Variants in FGF12 observed in about 807,000 individuals in gnomAD.
FGF12 encodes the protein fibroblast growth factor 12, also known as fibroblast growth factor 12B.
In FGF12, 14 loss-of-function variants were observed where a neutral mutation model predicts 23.6. The observed-to-expected ratio is 0.59, with a 90% CI of 0.39 to 0.93. The LOEUF is 0.93. Ranked by LOEUF, FGF12 falls within the 40% of genes least tolerant of loss-of-function variation. The pLI is 0.00. For missense variants in FGF12, 175 were observed against 217.8 expected (o/e 0.80, Z 1.24); for synonymous variants, 62 against 77.3 (o/e 0.80, Z 1.04).
chr3:192,612,732 T>C (rs1440624277), intron 2 of FGF12, among the ~76,000 whole-genome samples: 1 of 152,008 alleles, frequency 6.6e-6, no homozygotes, highest in East Asian at 1.9e-4. Context: ...CCAACTCTTC[T>C]AAGCTGAACA....
intron 2 of FGF12, among the ~76,000 whole-genome samples, chr3:192,606,425 T>C (rs1714340028): frequency 6.6e-6 from 1 of 152,130 alleles, no homozygotes; most frequent in African/African-American, 2.4e-5. Context: ...TTGTGTATTA[T>C]GTTCAGTACT....
At chr3:192,278,144 A>G (rs773793789) in intron 4 of FGF12, among the ~76,000 whole-genome samples, 4 of 152,206 alleles carry the variant, frequency 2.6e-5, no homozygotes, top group African/African-American at 7.2e-5. Context: ...CTATGTTAAC[A>G]TATATTGATG....
intron 4 of FGF12, among the ~76,000 whole-genome samples, chr3:192,182,760 G>A (rs947731078): frequency 2.0e-5 from 3 of 152,096 alleles, no homozygotes; most frequent in Admixed American, 2.0e-4. Context: ...CATCCAGGGG[G>A]CCCTGAAATT....
intron 3 of FGF12, among the ~76,000 whole-genome samples, chr3:192,347,339 C>T (rs1282416087): frequency 1.3e-5 from 2 of 152,088 alleles, no homozygotes; most frequent in African/African-American, 2.4e-5. Flanking sequence ...CAGGCTGTAT[C>T]CAAGAATTAT....
intron 2 of FGF12, among the ~76,000 whole-genome samples, chr3:192,645,400 A>G (rs1488946526): frequency 6.6e-6 from 1 of 152,204 alleles, no homozygotes; most frequent in Non-Finnish European, 1.5e-5. Flanking sequence ...GACCAGTTCC[A>G]TATTAATAGC....
At chr3:192,286,198 C>T (rs575439387) in intron 4 of FGF12, among the ~76,000 whole-genome samples, 7 of 152,008 alleles carry the variant, frequency 4.6e-5, no homozygotes, top group African/African-American at 1.7e-4. Context: ...TGTATATCAT[C>T]GGATTTCTGG....
chr3:192,296,186 G>A (rs548149432), intron 4 of FGF12, among the ~76,000 whole-genome samples: 11 of 146,970 alleles, frequency 7.5e-5, no homozygotes, highest in African/African-American at 2.7e-4. Flanking sequence ...GATTACAGGC[G>A]TAAGCCACCA....
intron 4 of FGF12, among the ~76,000 whole-genome samples, chr3:192,229,970 A>G (rs1251394620): frequency 2.3e-5 from 1 of 44,172 alleles, no homozygotes; most frequent in Non-Finnish European, 3.8e-5. Context: ...TGTGAGAAAG[A>G]TGTTGTAAAC....
At chr3:192,169,278 C>T (rs112231233) in intron 5 of FGF12, among the ~76,000 whole-genome samples, 3,415 of 152,100 alleles carry the variant, frequency 0.022, 115 homozygotes, top group African/African-American at 0.078. Flanking sequence ...GGGGCAGAGG[C>T]TGCAGTGAGC....
intron 2 of FGF12, among the ~76,000 whole-genome samples, chr3:192,489,023 C>T (rs1361249880): frequency 6.6e-6 from 1 of 152,040 alleles, no homozygotes; most frequent in African/African-American, 2.4e-5. Context: ...ATAGAAATCT[C>T]TTTACACCAC....
At chr3:192,562,730 T>G (rs562875699) in intron 2 of FGF12, among the ~76,000 whole-genome samples, 25 of 149,216 alleles carry the variant, frequency 1.7e-4, no homozygotes, top group African/African-American at 5.8e-4. Flanking sequence ...TAACCCTACC[T>G]CTGAGACTTT....
At chr3:192,525,417 G>C (rs1372803189) in intron 2 of FGF12, among the ~76,000 whole-genome samples, 1 of 152,122 alleles carries the variant, frequency 6.6e-6, no homozygotes, top group Non-Finnish European at 1.5e-5. Flanking sequence ...AGCCATCCTA[G>C]ACTGTTCTTG....
intron 2 of FGF12, among the ~76,000 whole-genome samples, chr3:192,471,089 G>A (rs562016795): frequency 6.6e-6 from 1 of 152,276 alleles, no homozygotes; most frequent in Non-Finnish European, 1.5e-5. Context: ...CCACTAGAAT[G>A]TATGGCTCTT....
At chr3:192,166,047 C>A (rs6800252) in intron 5 of FGF12, among the ~76,000 whole-genome samples, 73,018 of 151,952 alleles carry the variant, frequency 0.48, 19,155 homozygotes, top group East Asian at 0.84. Flanking sequence ...CTAGTAATAG[C>A]AGTAATGGTG....
chr3:192,375,995 G>C (rs1719476026), intron 2 of FGF12, among the ~76,000 whole-genome samples: 1 of 151,996 alleles, frequency 6.6e-6, no homozygotes, highest in Non-Finnish European at 1.5e-5. Flanking sequence ...ATATTCCCAG[G>C]TGTGGATTGT....
chr3:192,215,993 T>C (rs1446894589), intron 4 of FGF12, among the ~76,000 whole-genome samples: 1 of 152,190 alleles, frequency 6.6e-6, no homozygotes, highest in Non-Finnish European at 1.5e-5. Flanking sequence ...GATTAATTCA[T>C]TGTACAAGCA....
chr3:192,393,885 T>C (rs1296625920), intron 2 of FGF12, among the ~76,000 whole-genome samples: 1 of 152,190 alleles, frequency 6.6e-6, no homozygotes, highest in African/African-American at 2.4e-5. Context: ...AATTTCATAA[T>C]TGATGAAGTC....
intron 2 of FGF12, among the ~76,000 whole-genome samples, chr3:192,423,314 C>G (rs547360222): frequency 6.6e-6 from 1 of 152,082 alleles, no homozygotes; most frequent in African/African-American, 2.4e-5. Context: ...AAAATACCAA[C>G]CTCTGATTTT....
chr3:192,170,139 T>TC (rs1391215062), intron 5 of FGF12, among the ~76,000 whole-genome samples: 2 of 147,612 alleles, frequency 1.4e-5, no homozygotes, highest in African/African-American at 2.5e-5. Context: ...AATTTTCCTT[T>TC]TTTTTTTTTT....
Sources: allele counts gnomAD v4.1 joint callset (sites outside exome capture counted in the v4.1 genomes callset), GRCh38; gene constraint gnomAD v4.1.1; transcripts MANE v1.5; gene names NCBI Gene and HGNC (gene_info 2026-07-23, HGNC 2026-07-21).